SLC25A37: variants seen among roughly 807,000 people sequenced by gnomAD.
SLC25A37 encodes the protein solute carrier family 25 member 37.
SLC25A37 carries 17 observed loss-of-function variants against 31.0 expected under a neutral mutation model. The ratio of observed to expected loss-of-function variants is 0.55; its 90% confidence interval spans 0.38 to 0.82. The LOEUF is 0.82. Among genes scored for constraint, SLC25A37 ranks in the 40% least tolerant of loss-of-function variants. SLC25A37 has a pLI of 0.00. For missense variants in SLC25A37, 404 were observed against 465.8 expected (o/e 0.87, Z 1.22); for synonymous variants, 222 against 193.0 (o/e 1.15, Z -1.24).
At chr8:23,569,283 C>G (rs770358770) in intron 3 of SLC25A37, among the ~76,000 whole-genome samples, 4 of 152,066 alleles carry the variant, frequency 2.6e-5, no homozygotes, top group Non-Finnish European at 4.4e-5. Flanking sequence ...AAAACAAAGG[C>G]TAATTCTCAG....
intron 1 of SLC25A37, among the ~76,000 whole-genome samples, chr8:23,530,804 G>A (rs1195339725): frequency 6.6e-6 from 1 of 152,168 alleles, no homozygotes; most frequent in East Asian, 1.9e-4. Context: ...CCCACAGTGA[G>A]TTCACTTTAG....
intron 2 of SLC25A37, 63 bp downstream of exon 2, chr8:23,566,399 G>A (rs775387549): frequency 1.3e-6 from 2 of 1,546,306 alleles, no homozygotes; most frequent in Non-Finnish European, 1.7e-6. Context: ...CCTCCCCAGG[G>A]TGTTCCTCCC....
chr8:23,560,137 G>T (rs1270618684), intron 1 of SLC25A37, among the ~76,000 whole-genome samples: 1 of 152,152 alleles, frequency 6.6e-6, no homozygotes, highest in Non-Finnish European at 1.5e-5. Context: ...GTGTGGTGGT[G>T]CGCACCTGTA....
chr8:23,573,729 CCA>C lies in SLC25A37; in HGVS notation c.*1876_*1877del, dbSNP rs1216564550. ...GGGAAAGAGCCAAACTGGGTACCTC[CCA>C]CGTGTGCCCCGTGAACAGCCCTTTG... On this transcript the variant is annotated 3_prime_UTR_variant, in exon 4 of 4. Coordinates refer to ENST00000519973, the MANE Select transcript of SLC25A37 (RefSeq NM_016612.4). 1 of 443,978 alleles carries C rather than the reference CCA, an allele frequency of 2.3e-6. No individual in the cohort carries two copies. The highest frequency in any genetic ancestry group is 2.0e-5 in the African/African-American group (1 of 49,792). 27.5% of individuals were successfully genotyped at this position (443,978 alleles called of 1,614,324 possible).
At position 23,529,014 on chromosome 8, in the gene SLC25A37, C is replaced by G; in HGVS notation, c.12C>G (p.Arg4=). 1 of 1,530,916 alleles carries G rather than the reference C, an allele frequency of 6.5e-7. No homozygotes were observed. The highest frequency in any genetic ancestry group is 1.2e-5 in the South Asian group (1 of 81,526). 94.8% of individuals were successfully genotyped at this position (1,530,916 alleles called of 1,614,324 possible). A position where few individuals can be genotyped will look rare whatever the true frequency, so the allele number is the denominator to read the frequency against. Residue 4 remains arginine, a synonymous_variant, in exon 1 of 4, where the codon CGC becomes CGG. Transcript: ENST00000519973. The surrounding 1 kb of genome is among the most constrained non-coding windows in gnomAD (Gnocchi z 4.1). MEL[R]SGSVGSQAVA... is the part of the protein sequence containing the mutation. Reference sequence around the variant, plus strand: ...CGCCGAGCTGGCGGATGGAGCTGCGCAGCGGGAGCGTGGGCAGCCAGGCGG... The same window carrying G: ...CGCCGAGCTGGCGGATGGAGCTGCGGAGCGGGAGCGTGGGCAGCCAGGCGG...
rs1801613537 is a variant in SLC25A37, at chr8:23,529,300, C to T, written c.210+88C>T. On this transcript the variant is annotated intron_variant, in intron 1 of 3. Coordinates refer to ENST00000519973, the MANE Select transcript of SLC25A37 (RefSeq NM_016612.4). The surrounding 1 kb of genome is among the most constrained non-coding windows in gnomAD (Gnocchi z 4.1). ...ATCCCGCGCGCCGGCAGCCTCGGGG[C>T]AGCGTCCCGAAACCGAGCTCTCCCC... The T allele has an allele frequency of 6.7e-6, 9 of 1,341,210 alleles. 1 individual carries two copies. The South Asian group carries it at 1.1e-4, about 17-fold the overall frequency. The allele number at this position is 1,341,210 out of a possible 1,614,324, so 83.1% of individuals were successfully genotyped here.
intron 3 of SLC25A37, among the ~76,000 whole-genome samples, chr8:23,569,692 C>T (rs538651902): frequency 2.6e-5 from 4 of 152,246 alleles, no homozygotes; most frequent in South Asian, 2.1e-4. Flanking sequence ...TTTTAAATTT[C>T]GGGGGTAATA....
At position 23,572,596 on chromosome 8, in the gene SLC25A37, T is replaced by C. The variant is rs1802893264; in HGVS notation, c.*741T>C. 1 of 151,164 alleles carries C rather than the reference T, an allele frequency of 6.6e-6. No homozygotes were observed. The highest frequency in any genetic ancestry group is 2.5e-5 in the African/African-American group (1 of 40,664). 9.4% of individuals were successfully genotyped at this position (151,164 alleles called of 1,614,324 possible). On this transcript the variant is annotated 3_prime_UTR_variant, in exon 4 of 4. Transcript: ENST00000519973. ...AAAAGGTACGTTAAAAAAATCAAAA[T>C]AATGATATGTCACTTGCAGCTACCT...
chr8:23,536,589 C>T (rs1006725148), intron 1 of SLC25A37, among the ~76,000 whole-genome samples: 4 of 152,162 alleles, frequency 2.6e-5, no homozygotes, highest in African/African-American at 9.7e-5. Flanking sequence ...CTGATGGCTC[C>T]CAGATCACTA....
At chr8:23,571,278 A>T (rs1802821927) in intron 3 of SLC25A37, 57 bp from the exon 4 acceptor site, 1 of 1,475,092 alleles carries the variant, frequency 6.8e-7, no homozygotes, top group Non-Finnish European at 9.0e-7. Flanking sequence ...GTGGGGCCAC[A>T]TCCAACCCAC....
Position 23,571,701 on chromosome 8 carries a change from C to T in SLC25A37, c.863C>T (p.Thr288Met), listed in dbSNP as rs764970288. Residue 288 changes from threonine to methionine, a missense_variant, in exon 4 of 4, where the codon ACG becomes ATG. Physicochemically the swap from Thr to Met is moderately conservative, Grantham distance 81. Transcript: ENST00000519973. ...TCGGGTATGGCCAATGCCTTCCGGACGGTGTACCAGCTCAACGGCCTGGCC... is the reference window on the plus strand; with the variant it reads ...TCGGGTATGGCCAATGCCTTCCGGATGGTGTACCAGCTCAACGGCCTGGCC... ...RLSGMANAFR[T>M]VYQLNGLAGY... 2 of 1,614,038 alleles carry T rather than the reference C, an allele frequency of 1.2e-6. No homozygotes were observed. Among genetic ancestry groups the T allele is most frequent in the African/African-American group, 1.3e-5 (1 of 75,066 alleles).
Position 23,572,909 on chromosome 8 carries a change from G to T in SLC25A37, c.*1054G>T, listed in dbSNP as rs1230036238. 2 of 152,232 alleles carry T rather than the reference G, an allele frequency of 1.3e-5. No homozygotes were observed. Among genetic ancestry groups the T allele is most frequent in the Non-Finnish European group, 1.5e-5 (1 of 68,050 alleles). The allele number at this position is 152,232 out of a possible 1,614,324, so 9.4% of individuals were successfully genotyped here. A position where few individuals can be genotyped will look rare whatever the true frequency, so the allele number is the denominator to read the frequency against. ...AGAAGCCCTTGATAGGCAGCATTTG[G>T]CGACTTGTGGGGCAGGTGTTTGGGA... is the stretch of plus-strand genomic sequence containing the variant. On this transcript the variant is annotated 3_prime_UTR_variant, in exon 4 of 4. Transcript: ENST00000519973.
Position 23,534,980 on chromosome 8 carries a change from C to T in SLC25A37, c.210+5768C>T, listed in dbSNP as rs117209545. ...AGGATGGCCCCTCTTCGTCCCCACC[C>T]GACTCAAGTCCAAATCACTCCATTC... On this transcript the variant is annotated intron_variant, in intron 1 of 3. Coordinates refer to ENST00000519973, the MANE Select transcript of SLC25A37 (RefSeq NM_016612.4). 6.6e-5 allele frequency among the ~76,000 whole-genome samples: 10 copies of T among 152,322 alleles called. No individual in the cohort carries two copies. The East Asian group carries it at 7.7e-4, about 12-fold the overall frequency.
chr8:23,568,319 C>A lies in SLC25A37; in HGVS notation c.440-3C>A. On this transcript the variant is annotated splice_region_variant and splice_polypyrimidine_tract_variant and intron_variant, in intron 2 of 3. Transcript: ENST00000519973. Reference sequence around the variant, plus strand: ...GGGTAATTTTCTGGAGTTTGTTTTGCAGGGATAGCTGGGAGTATGGCCACC... The same window carrying A: ...GGGTAATTTTCTGGAGTTTGTTTTGAAGGGATAGCTGGGAGTATGGCCACC... 1 of 1,613,782 alleles carries A rather than the reference C, an allele frequency of 6.2e-7. No homozygotes were observed. Among genetic ancestry groups the A allele is most frequent in the Non-Finnish European group, 8.5e-7 (1 of 1,179,836 alleles).
intron 1 of SLC25A37, among the ~76,000 whole-genome samples, chr8:23,542,114 A>G (rs962366010): frequency 2.6e-5 from 4 of 152,184 alleles, no homozygotes; most frequent in Admixed American, 6.5e-5. Context: ...TCGGTCAACT[A>G]TGGACTCCAT....
In SLC25A37 at chr8:23,529,164, G is replaced by T. The variant is rs376484650; in HGVS notation, c.162G>T (p.Met54Ile). ...CCACCCACATGACAGCAGGAGCGAT[G>T]GCCGGGATCCTGGAGCACTCGGTCA... The part of the protein sequence containing the change: ...SVSTHMTAGA[M>I]AGILEHSVMY... The change falls in exon 1 of 4, where the codon ATG (methionine) becomes ATT (isoleucine). Residue 54 changes from methionine (M) to isoleucine (I), a missense_variant. By Grantham distance (10) the Met-to-Ile change is conservative. Coordinates refer to ENST00000519973, the MANE Select transcript of SLC25A37 (RefSeq NM_016612.4). This position sits in a 1 kb window ranked among gnomAD's most constrained non-coding sequence, Gnocchi z 4.1. The T allele has an allele frequency of 4.8e-5, 77 of 1,611,428 alleles. No individual in the cohort carries two copies. Among genetic ancestry groups the T allele is most frequent in the Non-Finnish European group, 5.9e-5 (70 of 1,179,120 alleles).
intron 1 of SLC25A37, among the ~76,000 whole-genome samples, chr8:23,552,352 G>T (rs1017809812): frequency 6.6e-6 from 1 of 152,216 alleles, no homozygotes; most frequent in Non-Finnish European, 1.5e-5. Context: ...GGGAACTGAA[G>T]TTCAGGGAAG....
intron 2 of SLC25A37, chr8:23,566,961 G>T: frequency 2.1e-6 from 1 of 487,446 alleles, no homozygotes; most frequent in Non-Finnish European, 2.7e-6. Flanking sequence ...AAATCATTTT[G>T]TTTGGTTGTT....
chr8:23,568,152 A>G, intron 2 of SLC25A37, 170 bp from the exon 3 acceptor site: 1 of 727,372 alleles, frequency 1.4e-6, no homozygotes, highest in Non-Finnish European at 2.5e-6. Flanking sequence ...TTTTTATCAT[A>G]TTTCCACCAT....
Sources: allele counts gnomAD v4.1 joint callset (sites outside exome capture counted in the v4.1 genomes callset), GRCh38; gene constraint gnomAD v4.1.1; non-coding constraint Gnocchi (gnomAD v3.1); transcripts MANE v1.5; gene names NCBI Gene and HGNC (gene_info 2026-07-23, HGNC 2026-07-21).